GRIA2: variants seen among roughly 807,000 people sequenced by gnomAD.
GRIA2 encodes the protein glutamate ionotropic receptor AMPA type subunit 2.
Under a neutral mutation model 97.3 loss-of-function variants are expected in GRIA2, and 14 were observed. That is an observed-to-expected ratio of 0.14 (90% CI 0.10 to 0.23). GRIA2 has a LOEUF of 0.23. Ranked by LOEUF, GRIA2 falls within the 10% of genes least tolerant of loss-of-function variation. The pLI, the probability that GRIA2 is intolerant of heterozygous loss-of-function variation, is 1.00. For missense variants in GRIA2, 558 were observed against 1,069.8 expected (o/e 0.52, Z 6.67); for synonymous variants, 412 against 387.8 (o/e 1.06, Z -0.73).
chr4:157,220,673 T>C (rs144171462), upstream of GRIA2: 11,627 of 206,098 alleles, frequency 0.056, 340 homozygotes, highest in East Asian at 0.14. Context: ...TGTGTGTGTG[T>C]GCGCGCGCGC....
At chr4:157,234,747 C>G (rs1730169395) in intron 2 of GRIA2, among the ~76,000 whole-genome samples, 1 of 151,992 alleles carries the variant, frequency 6.6e-6, no homozygotes, top group African/African-American at 2.4e-5. Flanking sequence ...AAGTTTATTC[C>G]CCAGCACAGT....
chr4:157,312,152 G>C (rs1343380994), intron 3 of GRIA2, among the ~76,000 whole-genome samples: 1 of 151,934 alleles, frequency 6.6e-6, no homozygotes, highest in Non-Finnish European at 1.5e-5. Context: ...CCAAACTGCT[G>C]ACTTGAAAAC....
intron 11 of GRIA2, among the ~76,000 whole-genome samples, chr4:157,337,856 A>C (rs978644649): frequency 2.6e-5 from 4 of 151,114 alleles, no homozygotes; most frequent in African/African-American, 9.7e-5. Flanking sequence ...TTATAGTGGG[A>C]ATGATAAAAA....
chr4:157,239,028 A>G (rs1211379275), intron 2 of GRIA2, among the ~76,000 whole-genome samples: 4 of 152,092 alleles, frequency 2.6e-5, no homozygotes, highest in Non-Finnish European at 5.9e-5. Context: ...ATTGAATTGT[A>G]TGAGTTGTTT....
chr4:157,307,647 G>C (rs1290521849), intron 3 of GRIA2, among the ~76,000 whole-genome samples: 1 of 152,212 alleles, frequency 6.6e-6, no homozygotes, highest in African/African-American at 2.4e-5. Flanking sequence ...GGATATATAT[G>C]TTGTAAGTTT....
At chr4:157,343,359 G>A (rs922182529) in intron 12 of GRIA2, among the ~76,000 whole-genome samples, 9 of 152,114 alleles carry the variant, frequency 5.9e-5, no homozygotes, top group African/African-American at 1.9e-4. Context: ...CAGATATTTT[G>A]GGGTATTTGA....
chr4:157,281,201 C>T (rs1451104218), intron 2 of GRIA2, among the ~76,000 whole-genome samples: 2 of 152,136 alleles, frequency 1.3e-5, no homozygotes, highest in East Asian at 1.9e-4. Context: ...CACAGCACTA[C>T]TGAAATCTGT....
intron 6 of GRIA2, among the ~76,000 whole-genome samples, chr4:157,330,852 A>T (rs868149557): frequency 8.6e-5 from 13 of 151,938 alleles, no homozygotes; most frequent in Non-Finnish European, 8.8e-5. Flanking sequence ...CAGCTGAGGG[A>T]TTTCACAGAA....
At chr4:157,264,965 G>A (rs1052512072) in intron 2 of GRIA2, among the ~76,000 whole-genome samples, 1 of 151,898 alleles carries the variant, frequency 6.6e-6, no homozygotes, top group African/African-American at 2.4e-5. Context: ...ATTAAACTGA[G>A]ACACAGAGAG....
At chr4:157,335,367 C>T in intron 9 of GRIA2, 1 of 353,136 alleles carries the variant, frequency 2.8e-6, no homozygotes, top group Non-Finnish European at 5.3e-6. Flanking sequence ...TAATATTTTG[C>T]TCTAAGTCCT....
At chr4:157,280,636 C>T (rs1222030256) in intron 2 of GRIA2, among the ~76,000 whole-genome samples, 1 of 151,844 alleles carries the variant, frequency 6.6e-6, no homozygotes, top group African/African-American at 2.4e-5. Flanking sequence ...TGTGTGCGTG[C>T]ATGTATACGT....
At chr4:157,279,667 G>A (rs1177768542) in intron 2 of GRIA2, among the ~76,000 whole-genome samples, 1 of 151,930 alleles carries the variant, frequency 6.6e-6, no homozygotes, top group Non-Finnish European at 1.5e-5. Flanking sequence ...GGTAGTTAAG[G>A]CTAGATTTTT....
chr4:157,279,251 G>T (rs974765095), intron 2 of GRIA2, among the ~76,000 whole-genome samples: 2 of 152,086 alleles, frequency 1.3e-5, no homozygotes, highest in African/African-American at 2.4e-5. Context: ...TCCAGACAAT[G>T]GAATATTGTT....
chr4:157,337,445 C>A (rs576455351), intron 11 of GRIA2, among the ~76,000 whole-genome samples: 1 of 151,918 alleles, frequency 6.6e-6, no homozygotes, highest in African/African-American at 2.4e-5. Flanking sequence ...CACAAAGTAC[C>A]CATTGATTTT....
chr4:157,247,601 G>C (rs1034217168), intron 2 of GRIA2, among the ~76,000 whole-genome samples: 6 of 152,174 alleles, frequency 3.9e-5, no homozygotes, highest in Admixed American at 3.9e-4. Context: ...AAGGTGAGCA[G>C]GTCACCTGGA....
At position 157,303,542 on chromosome 4, in the gene GRIA2, A is replaced by T; in HGVS notation, c.230-10A>T. ...ATGATTTTTCCTTTCTATTTTTCCT[A>T]TTCTTCTAGTCTGCTCCCAGTTTTC... On this transcript the variant is annotated splice_polypyrimidine_tract_variant and intron_variant, in intron 2 of 15. Coordinates refer to ENST00000264426, the MANE Select transcript of GRIA2 (RefSeq NM_001083619.3). 1.2e-6 allele frequency: 2 copies of T among 1,609,178 alleles called. No individual in the cohort carries two copies. The highest frequency in any genetic ancestry group is 1.7e-6 in the Non-Finnish European group (2 of 1,176,128).
chr4:157,268,289 C>T (rs1731861208), intron 2 of GRIA2, among the ~76,000 whole-genome samples: 1 of 151,896 alleles, frequency 6.6e-6, no homozygotes, highest in Admixed American at 6.6e-5. Context: ...TAGTATGGGA[C>T]TGGTGCTTTA....
chr4:157,275,859 T>A (rs973401117), intron 2 of GRIA2, among the ~76,000 whole-genome samples: 1 of 152,126 alleles, frequency 6.6e-6, no homozygotes, highest in Admixed American at 6.6e-5. Flanking sequence ...TGGGCTCTTT[T>A]TTGGTTCCAT....
At chr4:157,245,210 A>G (rs2126726143) in intron 2 of GRIA2, among the ~76,000 whole-genome samples, 1 of 152,118 alleles carries the variant, frequency 6.6e-6, no homozygotes, top group African/African-American at 2.4e-5. Flanking sequence ...ATCTTCCTAT[A>G]ATCTCCAACT....
Sources: gnomAD v4.1 joint callset for allele counts (sites outside exome capture counted in the v4.1 genomes callset) on GRCh38, gnomAD v4.1.1 for gene constraint, MANE v1.5 for transcripts, NCBI Gene and HGNC (gene_info 2026-07-23, HGNC 2026-07-21) for gene names.